The following CLVS1 variants were observed in gnomAD, a reference collection of about 807,000 sequenced individuals.
CLVS1 encodes clavesin-1.
CLVS1 carries 10 observed loss-of-function variants against 33.1 expected under a neutral mutation model. That is an observed-to-expected ratio of 0.30 (90% CI 0.19 to 0.51). CLVS1 has a LOEUF of 0.51. CLVS1 is among the 20% of genes least tolerant of loss of function. The pLI is 0.97. For synonymous variants in CLVS1, 163 were observed against 166.1 expected, an observed-to-expected ratio of 0.98 and a Z score of 0.14; for missense variants, 343 against 433.4, an observed-to-expected ratio of 0.79 and a Z score of 1.85.
chr8:61,023,003 C>A, the CLVS1 span, among the ~76,000 whole-genome samples: 1 of 152,138 alleles, frequency 6.6e-6, no homozygotes, highest in Non-Finnish European at 1.5e-5. Flanking sequence ...TTTCTTTGAT[C>A]AAGGGATGAG....
intron 2 of CLVS1, among the ~76,000 whole-genome samples, chr8:61,191,956 G>A (rs564885264): frequency 2.0e-4 from 31 of 152,288 alleles, no homozygotes; most frequent in African/African-American, 6.7e-4. Context: ...ACTGCCCAAT[G>A]TAATTTACAG....
At chr8:61,089,392 A>G (rs970138107) in intron 1 of CLVS1, among the ~76,000 whole-genome samples, 8 of 152,186 alleles carry the variant, frequency 5.3e-5, no homozygotes, top group African/African-American at 1.7e-4. Flanking sequence ...GTTCTGGGAC[A>G]TATGTGGTCC....
intron 2 of CLVS1, among the ~76,000 whole-genome samples, chr8:61,239,510 A>G (rs1465411123): frequency 6.6e-6 from 1 of 151,994 alleles, no homozygotes; most frequent in Non-Finnish European, 1.5e-5. Flanking sequence ...AGCTGGGAGG[A>G]TTTCTTGAGC....
intron 2 of CLVS1, chr8:61,370,774 C>A (rs959944995): frequency 6.6e-6 from 1 of 152,258 alleles, no homozygotes; most frequent in Non-Finnish European, 1.5e-5. Flanking sequence ...TCCATTCCCA[C>A]GTTACTTCAC....
intron 2 of CLVS1, among the ~76,000 whole-genome samples, chr8:61,338,964 CTGTGTGTGTG>C (rs10608173): frequency 1.3e-5 from 2 of 148,520 alleles, no homozygotes; most frequent in South Asian, 2.2e-4. Context: ...AAAGGGAACA[CTGTGTGTGTG>C]TGTGTGTGTG....
intron 3 of CLVS1, among the ~76,000 whole-genome samples, chr8:61,393,403 C>T (rs889086424): frequency 1.3e-5 from 2 of 151,996 alleles, no homozygotes; most frequent in Non-Finnish European, 2.9e-5. Context: ...CTTTATCTGG[C>T]GATTAAGAGA....
intron 3 of CLVS1, among the ~76,000 whole-genome samples, chr8:61,378,980 AAAAATTCAAGAT>A (rs1422073966): frequency 6.6e-6 from 1 of 152,196 alleles, no homozygotes; most frequent in African/African-American, 2.4e-5. Context: ...TGTTAGCCAC[AAAAATTCAAGAT>A]AAATTCCAAC....
chr8:61,145,807 A>C (rs112500178), intron 2 of CLVS1, among the ~76,000 whole-genome samples: 27 of 152,350 alleles, frequency 1.8e-4, no homozygotes, highest in African/African-American at 6.3e-4. Flanking sequence ...GGGCACTCAC[A>C]GTATCCAAGG....
intron 1 of CLVS1, among the ~76,000 whole-genome samples, chr8:61,295,425 C>A (rs1810159572): frequency 6.6e-6 from 1 of 152,118 alleles, no homozygotes; most frequent in African/African-American, 2.4e-5. Context: ...AAGGCAGAGA[C>A]AGCTAGATTT....
intron 2 of CLVS1, among the ~76,000 whole-genome samples, chr8:61,325,674 A>T (rs1811356242): frequency 6.6e-6 from 1 of 152,146 alleles, no homozygotes; most frequent in Admixed American, 6.6e-5. Context: ...CACCATCTAA[A>T]AGCTTTCTGA....
intron 3 of CLVS1, among the ~76,000 whole-genome samples, chr8:61,445,928 G>GTTAA (rs1166365747): frequency 6.6e-6 from 1 of 152,106 alleles, no homozygotes; most frequent in Non-Finnish European, 1.5e-5. Context: ...CCTCTAAGTT[G>GTTAA]TTAAATATGT....
intron 2 of CLVS1, among the ~76,000 whole-genome samples, chr8:61,207,007 C>T (rs1807861882): frequency 6.6e-6 from 1 of 152,110 alleles, no homozygotes. Context: ...AAGGCCTGGC[C>T]CATCTCTATC....
At chr8:61,027,134 A>C in the CLVS1 span, among the ~76,000 whole-genome samples, 1 of 152,168 alleles carries the variant, frequency 6.6e-6, no homozygotes, top group South Asian at 2.1e-4. Context: ...CTATCCCAAT[A>C]GGGCGAAGAA....
chr8:61,404,484 T>C (rs1274935048), intron 3 of CLVS1, among the ~76,000 whole-genome samples: 2 of 152,202 alleles, frequency 1.3e-5, no homozygotes, highest in African/African-American at 4.8e-5. Flanking sequence ...TCTTTGTCTA[T>C]AATGAATAGG....
the CLVS1 span, among the ~76,000 whole-genome samples, chr8:61,013,160 G>A: frequency 6.6e-6 from 1 of 152,164 alleles, no homozygotes; most frequent in African/African-American, 2.4e-5. Context: ...TCCTGCCTCG[G>A]TCCTTCCTGG....
At chr8:61,075,584 A>G (rs1563393340) in intron 1 of CLVS1, among the ~76,000 whole-genome samples, 1 of 152,254 alleles carries the variant, frequency 6.6e-6, no homozygotes, top group Non-Finnish European at 1.5e-5. Flanking sequence ...TGATGCAAGT[A>G]AAAGTATTTC....
chr8:61,432,442 A>C (rs1235904221), intron 3 of CLVS1, among the ~76,000 whole-genome samples: 2 of 152,222 alleles, frequency 1.3e-5, no homozygotes, highest in Non-Finnish European at 2.9e-5. Flanking sequence ...CCCTAATTCA[A>C]CATGATTGGT....
chr8:61,346,949 G>A (rs1406759813), intron 2 of CLVS1, among the ~76,000 whole-genome samples: 1 of 152,222 alleles, frequency 6.6e-6, no homozygotes, highest in Non-Finnish European at 1.5e-5. Flanking sequence ...AGCCTGTGCA[G>A]ATGACTGCAA....
intron 3 of CLVS1, 45 bp from the exon 4 acceptor site, chr8:61,454,096 A>G (rs1554576758): frequency 1.1e-5 from 14 of 1,322,888 alleles, no homozygotes; most frequent in Middle Eastern, 1.9e-4. Context: ...CAGTCTAACA[A>G]GGTGTGCTTA....
Sources: allele counts gnomAD v4.1 joint callset (sites outside exome capture counted in the v4.1 genomes callset), GRCh38; gene constraint gnomAD v4.1.1; transcripts MANE v1.5; gene names NCBI Gene and HGNC (gene_info 2026-07-23, HGNC 2026-07-21).